PMP22: variants seen among roughly 807,000 people sequenced by gnomAD.
PMP22 encodes peripheral myelin protein 22, also known as Charcot-Marie-Tooth neuropathy 1A (greatly reduced nerve conduction velocity, hereditary motor sensory neuropathy Ia).
Under a neutral mutation model 18.9 loss-of-function variants are expected in PMP22, and 2 were observed. The ratio of observed to expected loss-of-function variants is 0.11; its 90% CI spans 0.04 to 0.33. The LOEUF is 0.33. Ranked by LOEUF, PMP22 falls within the 10% of genes least tolerant of loss-of-function variation. The pLI, the probability that PMP22 is intolerant of heterozygous loss-of-function variation, is 1.00. For synonymous variants in PMP22, 95 were observed against 89.2 expected, an observed-to-expected ratio of 1.07 and a Z score of -0.37; for missense variants, 169 against 202.2, an observed-to-expected ratio of 0.84 and a Z score of 1.00.
intron 1 of PMP22, 37 bp from the exon 2 acceptor site, chr17:15,260,798 T>G: frequency 1.5e-6 from 2 of 1,362,368 alleles, no homozygotes. Flanking sequence ...CCGAACGCAC[T>G]GGGCCGAGCG....
chr17:15,262,698 C>T (rs1909442849), intron 1 of PMP22: 1 of 152,518 alleles, frequency 6.6e-6, no homozygotes, highest in Admixed American at 6.5e-5. Context: ...AGGAGACAGT[C>T]ACTTGGCCTT....
In PMP22 at chr17:15,230,836, T is replaced by C. The variant is rs1263836474; in HGVS notation, c.*81A>G. 1 of 1,531,262 alleles carries C rather than the reference T, an allele frequency of 6.5e-7. No homozygotes were observed. The allele number at this position is 1,531,262 out of a possible 1,614,324, so 94.9% of individuals were successfully genotyped here. On this transcript the variant is annotated 3_prime_UTR_variant, in exon 5 of 5. Coordinates refer to ENST00000312280, the MANE Select transcript of PMP22 (RefSeq NM_000304.4). Reference sequence around the variant, plus strand: ...TGAGTTTGGGATTTTGGGCTAGCTCTTTTTTCTTTGTCTGCTTTCTGTTTT... The same window carrying C: ...TGAGTTTGGGATTTTGGGCTAGCTCCTTTTTCTTTGTCTGCTTTCTGTTTT...
chr17:15,247,326 G>A (rs1907922612), intron 3 of PMP22, among the ~76,000 whole-genome samples: 1 of 150,846 alleles, frequency 6.6e-6, no homozygotes, highest in South Asian at 2.1e-4. Flanking sequence ...CCGAGATGGC[G>A]CCACTGCACT....
At chr17:15,246,907 T>C (rs530270281) in intron 3 of PMP22, among the ~76,000 whole-genome samples, 6 of 150,488 alleles carry the variant, frequency 4.0e-5, no homozygotes, top group African/African-American at 9.8e-5. Context: ...CCGTCTCTAC[T>C]AAAAATACAA....
chr17:15,260,555 G>T, intron 2 of PMP22, 95 bp downstream of exon 2: 1 of 1,050,712 alleles, frequency 9.5e-7, no homozygotes, highest in Non-Finnish European at 1.4e-6. Flanking sequence ...CCAACTGTCT[G>T]CAAATAACAC....
intron 2 of PMP22, 51 bp downstream of exon 2, chr17:15,260,599 C>T: frequency 6.9e-7 from 1 of 1,451,972 alleles, no homozygotes; most frequent in Middle Eastern, 1.9e-4. Flanking sequence ...GGCTGGGAAC[C>T]CAGATGGGGA....
Position 15,259,154 on chromosome 17 carries a change from G to T in PMP22, c.118C>A (p.Gln40Lys). Residue 40 changes from glutamine (Q) to lysine (K), a missense_variant, in exon 3 of 5, where the codon CAG becomes AAG. By Grantham distance (53) the Gln-to-Lys change is moderately conservative (BLOSUM62 1). Coordinates refer to ENST00000312280, the MANE Select transcript of PMP22 (RefSeq NM_000304.4). ...VGNGHATDLW[Q>K]NCSTSSSGNV... Reference sequence around the variant, plus strand: ...CCTGAGGAAGAGGTGCTACAGTTCTGCCAGAGATCAGTTGCGTGTCCATTG... The same window carrying T: ...CCTGAGGAAGAGGTGCTACAGTTCTTCCAGAGATCAGTTGCGTGTCCATTG... 2 of 1,613,906 alleles carry T rather than the reference G, an allele frequency of 1.2e-6. No homozygotes were observed. The highest frequency in any genetic ancestry group is 2.2e-5 in the East Asian group (1 of 44,884).
Position 15,239,472 on chromosome 17 carries a change from A to G in PMP22, c.318T>C (p.Ala106=), listed in dbSNP as rs778234032. The change falls in exon 4 of 5, where the codon GCT becomes GCC. Residue 106 remains alanine (A), a splice_region_variant and synonymous_variant. Coordinates refer to ENST00000312280, the MANE Select transcript of PMP22 (RefSeq NM_000304.4). The part of the protein sequence containing the change: ...FYITGIFQIL[A]GLCVMSAAAI... ...TGGACTTTACCATCCACAACTTACC[A>G]GCAAGAATTTGGAAGATTCCAGTGA... The G allele has an allele frequency of 4.2e-5, 67 of 1,614,118 alleles. No individual in the cohort carries two copies. Among genetic ancestry groups the G allele is most frequent in the Non-Finnish European group, 3.4e-6 (4 of 1,180,044 alleles).
At chr17:15,255,476 C>G (rs1037584604) in intron 3 of PMP22, among the ~76,000 whole-genome samples, 1 of 152,058 alleles carries the variant, frequency 6.6e-6, no homozygotes, top group African/African-American at 2.4e-5. Flanking sequence ...CAGCCAAACC[C>G]AAGAGATGGC....
intron 3 of PMP22, among the ~76,000 whole-genome samples, chr17:15,242,797 G>A (rs1467529191): frequency 2.0e-5 from 3 of 152,012 alleles, no homozygotes; most frequent in Non-Finnish European, 4.4e-5. Context: ...CTGACTATAA[G>A]GGCAACAAAG....
rs1567698428 is a variant in PMP22, at chr17:15,230,648, TCTTTAAGGCTCAA to T, written c.*256_*268del. The T allele has an allele frequency of 2.1e-6, 1 of 484,174 alleles. No individual in the cohort carries two copies. Among genetic ancestry groups the T allele is most frequent in the Non-Finnish European group, 3.8e-6 (1 of 265,564 alleles). The allele number at this position is 484,174 out of a possible 1,614,324, so 30.0% of individuals were successfully genotyped here. On this transcript the variant is annotated 3_prime_UTR_variant, in exon 5 of 5. Coordinates refer to ENST00000312280, the MANE Select transcript of PMP22 (RefSeq NM_000304.4). ...TAGGATGTAAAGTTCCTTAGCTACT[TCTTTAAGGCTCAA>T]CACGAGGCTGATGGTCAACATAAAA...
At chr17:15,260,407 A>C in intron 2 of PMP22, 2 of 578,144 alleles carry the variant, frequency 3.5e-6, no homozygotes, top group South Asian at 3.9e-5. Flanking sequence ...CTCTGAAGTT[A>C]CTTGGCTTAA....
intron 3 of PMP22, among the ~76,000 whole-genome samples, chr17:15,253,206 C>G (rs372948905): frequency 4.0e-4 from 61 of 152,150 alleles, no homozygotes; most frequent in African/African-American, 1.3e-3. Context: ...TGGCCTCATT[C>G]AAAGCGACGC....
chr17:15,242,132 T>C (rs908508189), intron 3 of PMP22, among the ~76,000 whole-genome samples: 5 of 151,228 alleles, frequency 3.3e-5, no homozygotes, highest in Admixed American at 2.6e-4. Flanking sequence ...TGGACACCTA[T>C]AGTCCCAGCT....
chr17:15,239,374 A>G lies in PMP22; in HGVS notation c.319+97T>C, dbSNP rs765561759. ...GCATCCAGTGGGGAGACTCATGAAC[A>G]TCAGTCATTCTGAGGCCACATCCTT... On this transcript the variant is annotated intron_variant, in intron 4 of 4. Transcript: ENST00000312280. 3 of 1,378,148 alleles carry G rather than the reference A, an allele frequency of 2.2e-6. No homozygotes were observed. In the East Asian group the frequency reaches 6.9e-5, roughly 31 times the overall value. The allele number at this position is 1,378,148 out of a possible 1,614,324, so 85.4% of individuals were successfully genotyped here.
At chr17:15,244,220 T>G (rs1294321128) in intron 3 of PMP22, among the ~76,000 whole-genome samples, 1 of 151,770 alleles carries the variant, frequency 6.6e-6, no homozygotes. Flanking sequence ...ATGAGGAGGG[T>G]GACACCAATT....
chr17:15,246,785 G>A (rs905305097), intron 3 of PMP22, among the ~76,000 whole-genome samples: 2 of 152,272 alleles, frequency 1.3e-5, no homozygotes, highest in East Asian at 1.9e-4. Context: ...AAAAACTAAA[G>A]CTCTGGCCGG....
rs1040382788 is a variant in PMP22 at position 15,230,436 on chromosome 17, C to T, written c.*481G>A. ...TCTGTTGGATGCACTGGGTCACCCA[C>T]CAGAAAAGGGCTTTTGGACATTTGG... On this transcript the variant is annotated 3_prime_UTR_variant, in exon 5 of 5. Coordinates refer to ENST00000312280, the MANE Select transcript of PMP22 (RefSeq NM_000304.4). 3.4e-5 allele frequency: 6 copies of T among 174,460 alleles called. No homozygotes were observed. The highest frequency in any genetic ancestry group is 1.4e-4 in the African/African-American group (6 of 41,666). 10.8% of individuals were successfully genotyped at this position (174,460 alleles called of 1,614,324 possible).
chr17:15,263,887 A>G (rs1034930070), intron 1 of PMP22, among the ~76,000 whole-genome samples: 4 of 152,160 alleles, frequency 2.6e-5, no homozygotes, highest in Admixed American at 6.5e-5. Flanking sequence ...GAGAGGCAGT[A>G]TGGTGCAGTG....
Sources: gnomAD v4.1 joint callset for allele counts (sites outside exome capture counted in the v4.1 genomes callset) on GRCh38, gnomAD v4.1.1 for gene constraint, MANE v1.5 for transcripts, NCBI Gene and HGNC (gene_info 2026-07-23, HGNC 2026-07-21) for gene names.